NECAB1: variants seen among roughly 807,000 people sequenced by gnomAD.
NECAB1 encodes the protein N-terminal EF-hand calcium-binding protein 1.
A neutral mutation model predicts 57.5 loss-of-function variants in NECAB1; 29 were observed. The ratio of observed to expected loss-of-function variants is 0.50; its 90% CI spans 0.38 to 0.69. NECAB1 has a LOEUF of 0.69. NECAB1 is among the 30% of genes least tolerant of loss of function. The pLI, the probability that NECAB1 is intolerant of heterozygous loss-of-function variation, is 0.00. For missense variants in NECAB1, 372 were observed against 413.8 expected, an observed-to-expected ratio of 0.90 and a Z score of 0.88; for synonymous variants, 142 against 147.7, an observed-to-expected ratio of 0.96 and a Z score of 0.28.
At chr8:90,914,433 T>C (rs1413837006) in intron 5 of NECAB1, among the ~76,000 whole-genome samples, 2 of 152,138 alleles carry the variant, frequency 1.3e-5, no homozygotes, top group Non-Finnish European at 2.9e-5. Context: ...AGTAGGAATA[T>C]TAGAAAACAA....
chr8:90,891,458 T>C (rs1006469783), intron 5 of NECAB1, among the ~76,000 whole-genome samples: 16 of 152,198 alleles, frequency 1.1e-4, no homozygotes, highest in Non-Finnish European at 2.2e-4. Context: ...ATTTTGTGTA[T>C]ATTTTTATAT....
At chr8:90,931,763 G>A (rs1254458065) in intron 8 of NECAB1, among the ~76,000 whole-genome samples, 1 of 152,076 alleles carries the variant, frequency 6.6e-6, no homozygotes, top group African/African-American at 2.4e-5. Flanking sequence ...AATTAACCAG[G>A]CGTGGTGGTG....
intron 6 of NECAB1, among the ~76,000 whole-genome samples, chr8:90,920,338 A>G (rs1810075754): frequency 6.6e-6 from 1 of 152,192 alleles, no homozygotes; most frequent in South Asian, 2.1e-4. Flanking sequence ...AGACTGAAGC[A>G]CGTGAATTAT....
intron 6 of NECAB1, among the ~76,000 whole-genome samples, chr8:90,924,504 A>C (rs1486184336): frequency 1.3e-5 from 2 of 152,214 alleles, no homozygotes; most frequent in African/African-American, 4.8e-5. Flanking sequence ...CAGAAGGATT[A>C]TATCTTACAC....
intron 4 of NECAB1, among the ~76,000 whole-genome samples, chr8:90,874,227 G>A (rs1808673185): frequency 6.6e-6 from 1 of 152,192 alleles, no homozygotes; most frequent in African/African-American, 2.4e-5. Flanking sequence ...CGTGGGAGGG[G>A]CAGAACTTGA....
chr8:90,884,489 A>T (rs1306292797), intron 5 of NECAB1, among the ~76,000 whole-genome samples: 1 of 152,200 alleles, frequency 6.6e-6, no homozygotes, highest in East Asian at 1.9e-4. Flanking sequence ...CTATAATTTT[A>T]TGTAGGACTT....
chr8:90,935,837 C>A (rs1421775412), intron 9 of NECAB1, among the ~76,000 whole-genome samples: 2 of 152,082 alleles, frequency 1.3e-5, no homozygotes, highest in African/African-American at 4.8e-5. Context: ...GATCAACACA[C>A]AAAACATTAC....
intron 3 of NECAB1, among the ~76,000 whole-genome samples, chr8:90,862,862 G>A (rs1044250537): frequency 2.9e-5 from 3 of 103,900 alleles, no homozygotes; most frequent in African/African-American, 4.4e-5. Flanking sequence ...CAGAAAACTC[G>A]CTATGAGTAC....
chr8:90,953,530 C>T (rs183529713), intron 12 of NECAB1, among the ~76,000 whole-genome samples: 199 of 152,240 alleles, frequency 1.3e-3, no homozygotes, highest in Admixed American at 7.1e-3. Flanking sequence ...ACTGGAATTT[C>T]GTAGAACAAG....
intron 12 of NECAB1, among the ~76,000 whole-genome samples, chr8:90,952,742 C>A (rs544572458): frequency 2.6e-5 from 4 of 151,894 alleles, no homozygotes; most frequent in African/African-American, 9.7e-5. Flanking sequence ...CGCACCACTG[C>A]ACTCCAGACT....
intron 3 of NECAB1, among the ~76,000 whole-genome samples, chr8:90,841,208 C>T (rs1812449554): frequency 6.6e-6 from 1 of 151,318 alleles, no homozygotes; most frequent in Admixed American, 6.6e-5. Flanking sequence ...TGCAGTGAGC[C>T]GAGATCGCAT....
At chr8:90,954,075 TAAATAAA>T (rs1810970643) in intron 12 of NECAB1, among the ~76,000 whole-genome samples, 1 of 139,818 alleles carries the variant, frequency 7.2e-6, no homozygotes, top group African/African-American at 2.7e-5. Context: ...TCAAAATAAA[TAAATAAA>T]TAAATAAATA....
At chr8:90,904,584 CA>C (rs1809589716) in intron 5 of NECAB1, among the ~76,000 whole-genome samples, 1 of 151,654 alleles carries the variant, frequency 6.6e-6, no homozygotes. Context: ...CTTAGAGAGA[CA>C]AAGATTTAGA....
At chr8:90,875,399 T>G (rs1197628717) in intron 4 of NECAB1, among the ~76,000 whole-genome samples, 1 of 137,020 alleles carries the variant, frequency 7.3e-6, no homozygotes, top group Non-Finnish European at 1.5e-5. Flanking sequence ...GAGAATGGTG[T>G]GAACCCGGGA....
chr8:90,855,090 G>A (rs1247872518), intron 3 of NECAB1, among the ~76,000 whole-genome samples: 2 of 152,148 alleles, frequency 1.3e-5, no homozygotes, highest in Non-Finnish European at 2.9e-5. Flanking sequence ...GTAGCCCTCA[G>A]GAGCACAGGT....
intron 10 of NECAB1, among the ~76,000 whole-genome samples, chr8:90,949,021 A>G (rs1157156592): frequency 2.6e-5 from 4 of 152,142 alleles, no homozygotes; most frequent in Non-Finnish European, 5.9e-5. Flanking sequence ...TAGTCAAAGG[A>G]CTGGAAGGAA....
chr8:90,824,288 C>T (rs567167678), intron 2 of NECAB1, among the ~76,000 whole-genome samples: 1 of 151,892 alleles, frequency 6.6e-6, no homozygotes, highest in East Asian at 1.9e-4. Flanking sequence ...AATAACAACT[C>T]TGATATACAT....
At chr8:90,797,749 T>C (rs1811686372) in intron 1 of NECAB1, among the ~76,000 whole-genome samples, 1 of 152,192 alleles carries the variant, frequency 6.6e-6, no homozygotes, top group Non-Finnish European at 1.5e-5. Flanking sequence ...GGAAAAATAA[T>C]GCAAACTGTT....
chr8:90,929,709 T>C lies in NECAB1; in HGVS notation c.693+1410T>C, dbSNP rs116291043. Reference sequence around the variant, plus strand: ...GAGATAATTCAATGAAAAGAAAATGTATTGTCATTAAAGTTGGAATAAATG... The same window carrying C: ...GAGATAATTCAATGAAAAGAAAATGCATTGTCATTAAAGTTGGAATAAATG... On this transcript the variant is annotated intron_variant, in intron 8 of 12. Coordinates refer to ENST00000417640, the MANE Select transcript of NECAB1 (RefSeq NM_022351.5). Among the ~76,000 whole-genome samples, 268 of 152,282 alleles carry C rather than the reference T, an allele frequency of 1.8e-3. 2 individuals are homozygous for C. The highest frequency in any genetic ancestry group is 0.01 in the Middle Eastern group (3 of 294).
Sources: gnomAD v4.1 joint callset for allele counts (sites outside exome capture counted in the v4.1 genomes callset) on GRCh38, gnomAD v4.1.1 for gene constraint, MANE v1.5 for transcripts, NCBI Gene and HGNC (gene_info 2026-07-23, HGNC 2026-07-21) for gene names.